The following VIT variants were observed in gnomAD, a reference collection of about 807,000 sequenced individuals.
VIT encodes the protein vitrin.
A neutral mutation model predicts 78.0 loss-of-function variants in VIT; 99 were observed. The observed-to-expected ratio is 1.27, with a 90% confidence interval of 1.08 to 1.50. The LOEUF (loss-of-function observed/expected upper bound fraction) is 1.50. Ranked by LOEUF, VIT falls within the 40% of genes most tolerant of loss-of-function variation. VIT has a pLI of 0.00. For missense variants in VIT, 1,126 were observed against 875.3 expected, an observed-to-expected ratio of 1.29 and a Z score of -3.61; for synonymous variants, 374 against 334.3, an observed-to-expected ratio of 1.12 and a Z score of -1.29.
At chr2:36,811,065 G>A (rs898187435) in intron 15 of VIT, among the ~76,000 whole-genome samples, 2 of 152,210 alleles carry the variant, frequency 1.3e-5, no homozygotes, top group Non-Finnish European at 2.9e-5. Context: ...AGCCAGAGAC[G>A]GGGTTCAGGC....
intron 13 of VIT, among the ~76,000 whole-genome samples, chr2:36,803,843 T>C (rs1666510537): frequency 6.6e-6 from 1 of 152,238 alleles, no homozygotes; most frequent in African/African-American, 2.4e-5. Context: ...GAGAATTCCG[T>C]GAAAGCTATG....
intron 1 of VIT, among the ~76,000 whole-genome samples, chr2:36,704,686 C>G (rs4670594): frequency 0.84 from 128,009 of 152,094 alleles, 54,417 homozygotes; most frequent in Middle Eastern, 0.95. Flanking sequence ...AGACACCATC[C>G]TCCACACCCT....
rs562015652 is a variant in VIT at position 36,727,667 on chromosome 2, A to G, written c.53-1759A>G. 2.0e-5 allele frequency among the ~76,000 whole-genome samples: 3 copies of G among 152,350 alleles called. No individual in the cohort carries two copies. In the East Asian group the frequency reaches 5.8e-4, roughly 29 times the overall value. On this transcript the variant is annotated intron_variant, in intron 2 of 15. Coordinates refer to ENST00000379242, the MANE Select transcript of VIT (RefSeq NM_053276.4). ...TAGACATCTCTTTTCTCCAATCTTA[A>G]TACAGTCATCCACTTCATAACAATG... is the stretch of plus-strand genomic sequence containing the variant.
At chr2:36,738,627 A>G (rs1288195654) in intron 3 of VIT, among the ~76,000 whole-genome samples, 1 of 152,192 alleles carries the variant, frequency 6.6e-6, no homozygotes, top group African/African-American at 2.4e-5. Context: ...TGAATTTTAT[A>G]TTCTAGTAGA....
intron 3 of VIT, among the ~76,000 whole-genome samples, chr2:36,739,741 G>A (rs1465165517): frequency 4.6e-5 from 7 of 152,282 alleles, no homozygotes; most frequent in African/African-American, 1.7e-4. Flanking sequence ...CATATGAGAC[G>A]GTGGGTGGGT....
At chr2:36,747,784 C>T (rs1406278236) in intron 4 of VIT, among the ~76,000 whole-genome samples, 1 of 152,094 alleles carries the variant, frequency 6.6e-6, no homozygotes, top group African/African-American at 2.4e-5. Flanking sequence ...AGGTTTCGAC[C>T]TGATCATAAT....
At chr2:36,809,152 C>T (rs1395969625) in intron 15 of VIT, among the ~76,000 whole-genome samples, 167 bp downstream of exon 15, 1 of 152,072 alleles carries the variant, frequency 6.6e-6, no homozygotes, top group East Asian at 1.9e-4. Context: ...ACTGCAAGCC[C>T]CTCTGAGTAG....
intron 6 of VIT, chr2:36,759,783 T>C: frequency 3.5e-6 from 2 of 566,668 alleles, no homozygotes; most frequent in Non-Finnish European, 4.5e-6. Context: ...GGTTTAAGAA[T>C]AGCAGTAGAA....
chr2:36,710,159 A>G (rs1191251199), intron 1 of VIT, among the ~76,000 whole-genome samples: 1 of 152,238 alleles, frequency 6.6e-6, no homozygotes, highest in African/African-American at 2.4e-5. Flanking sequence ...TGGAAGTGAT[A>G]ATGATAACAA....
intron 4 of VIT, among the ~76,000 whole-genome samples, chr2:36,752,897 T>G (rs1354207192): frequency 6.6e-6 from 1 of 152,196 alleles, no homozygotes; most frequent in East Asian, 1.9e-4. Context: ...ATTATAAAGA[T>G]ACATGCATAC....
At chr2:36,738,234 C>T (rs763699808) in intron 3 of VIT, among the ~76,000 whole-genome samples, 1 of 152,184 alleles carries the variant, frequency 6.6e-6, no homozygotes, top group Non-Finnish European at 1.5e-5. Context: ...AGTTTAACTT[C>T]TTCCCTTCAG....
intron 11 of VIT, among the ~76,000 whole-genome samples, chr2:36,784,740 T>C (rs17019725): frequency 0.018 from 2,764 of 152,360 alleles, 85 homozygotes; most frequent in African/African-American, 0.063. Context: ...ATCTCTTCTT[T>C]AGCCATAATA....
chr2:36,700,876 C>T (rs975607142), intron 1 of VIT, among the ~76,000 whole-genome samples: 2 of 152,052 alleles, frequency 1.3e-5, no homozygotes, highest in East Asian at 1.9e-4. Context: ...TTACCATCAC[C>T]ATTATACAGA....
chr2:36,700,137 T>C (rs1664960477), intron 1 of VIT, among the ~76,000 whole-genome samples: 1 of 152,218 alleles, frequency 6.6e-6, no homozygotes, highest in Non-Finnish European at 1.5e-5. Context: ...GCAAATAGAT[T>C]CATGGAATTA....
intron 7 of VIT, among the ~76,000 whole-genome samples, chr2:36,769,921 G>T (rs1408270761): frequency 6.6e-6 from 1 of 152,126 alleles, no homozygotes; most frequent in African/African-American, 2.4e-5. Flanking sequence ...TATTTGCTGT[G>T]ATATTTCAGT....
At chr2:36,714,974 A>G (rs1200306214) in intron 1 of VIT, among the ~76,000 whole-genome samples, 1 of 152,148 alleles carries the variant, frequency 6.6e-6, no homozygotes, top group Non-Finnish European at 1.5e-5. Context: ...TTTCATATCT[A>G]TTGCACTCTC....
chr2:36,796,039 T>C lies in VIT; in HGVS notation c.1059-5262T>C, dbSNP rs147460351. Among the ~76,000 whole-genome samples the C allele has an allele frequency of 3.1e-4, 46 of 149,714 alleles. 1 individual carries two copies. Among genetic ancestry groups the C allele is most frequent in the Admixed American group, 2.9e-3 (44 of 14,964 alleles). On this transcript the variant is annotated intron_variant, in intron 12 of 15. Transcript: ENST00000379242. ...GAGTCCACTCCAGAAAGTACTGAAA[T>C]AATATCTAAAGGGTGTGATGAAGCT...
At chr2:36,758,271 A>G (rs1668886353) in intron 5 of VIT, among the ~76,000 whole-genome samples, 2 of 152,210 alleles carry the variant, frequency 1.3e-5, no homozygotes, top group South Asian at 4.1e-4. Flanking sequence ...CAAGTCAGAA[A>G]AATGACTTGC....
chr2:36,808,452 C>G lies in VIT; in HGVS notation c.1390-20C>G. 2 of 1,584,188 alleles carry G rather than the reference C, an allele frequency of 1.3e-6. No homozygotes were observed. Among genetic ancestry groups the G allele is most frequent in the Non-Finnish European group, 1.7e-6 (2 of 1,160,338 alleles). On this transcript the variant is annotated intron_variant, in intron 14 of 15. Transcript: ENST00000379242. ...GATTTGACCCTGACGTGGCGTGGGT[C>G]CCTCCCCTCTGTCTTCTAGGCCGTG...
Sources: gnomAD v4.1 joint callset for allele counts (sites outside exome capture counted in the v4.1 genomes callset) on GRCh38, gnomAD v4.1.1 for gene constraint, MANE v1.5 for transcripts, NCBI Gene and HGNC (gene_info 2026-07-23, HGNC 2026-07-21) for gene names.